MANEA: variants seen among roughly 807,000 people sequenced by gnomAD.
MANEA encodes the protein glycoprotein endo-alpha-1,2-mannosidase.
MANEA carries 25 observed loss-of-function variants against 36.8 expected under a neutral mutation model. That is an observed-to-expected ratio of 0.68 (90% CI 0.50 to 0.95). The LOEUF is 0.95. Among genes scored for constraint, MANEA ranks in the 40% least tolerant of loss-of-function variants. The pLI, the probability that MANEA is intolerant of heterozygous loss-of-function variation, is 0.00. For missense variants in MANEA, 565 were observed against 558.8 expected (o/e 1.01, Z -0.11); for synonymous variants, 198 against 188.5 (o/e 1.05, Z -0.41).
chr6:95,585,244 T>A (rs1340909076), intron 1 of MANEA, among the ~76,000 whole-genome samples: 1 of 152,192 alleles, frequency 6.6e-6, no homozygotes, highest in Non-Finnish European at 1.5e-5. Context: ...AAAACACATA[T>A]AATACCCTTT....
chr6:95,591,636 G>A (rs1042251726), intron 2 of MANEA, among the ~76,000 whole-genome samples: 6 of 151,584 alleles, frequency 4.0e-5, no homozygotes, highest in African/African-American at 7.3e-5. Flanking sequence ...CCTTCTTGGT[G>A]TTCTCTGAAT....
At chr6:95,582,769 A>T (rs1365195974) in intron 1 of MANEA, among the ~76,000 whole-genome samples, 1 of 152,226 alleles carries the variant, frequency 6.6e-6, no homozygotes, top group African/African-American at 2.4e-5. Context: ...GTTGCATTGT[A>T]TGTAAGCCAT....
intron 2 of MANEA, among the ~76,000 whole-genome samples, chr6:95,592,420 A>T (rs1769401170): frequency 6.6e-6 from 1 of 151,872 alleles, no homozygotes; most frequent in Non-Finnish European, 1.5e-5. Flanking sequence ...GTTTCTATTG[A>T]TTGCTTTGTT....
intron 2 of MANEA, among the ~76,000 whole-genome samples, chr6:95,594,832 C>T (rs1477665550): frequency 6.6e-6 from 1 of 152,164 alleles, no homozygotes; most frequent in South Asian, 2.1e-4. Context: ...AGTTGGTTTA[C>T]TTGTACCAAT....
intron 1 of MANEA, among the ~76,000 whole-genome samples, chr6:95,584,950 T>C (rs936961958): frequency 3.0e-4 from 45 of 152,232 alleles, no homozygotes; most frequent in African/African-American, 1.1e-3. Flanking sequence ...CTTGTCTTTC[T>C]TTTCTATTGG....
intron 3 of MANEA, among the ~76,000 whole-genome samples, chr6:95,604,094 G>GTGTA (rs1769658684): frequency 6.6e-6 from 1 of 151,178 alleles, no homozygotes; most frequent in East Asian, 1.9e-4. Context: ...GTGTGTGTGT[G>GTGTA]TATGGGATAT....
chr6:95,596,922 T>C, intron 3 of MANEA, 76 bp downstream of exon 3: 1 of 621,980 alleles, frequency 1.6e-6, no homozygotes, highest in African/African-American at 1.9e-5. Context: ...ATTTTTGAAA[T>C]AGTAATTTTA....
intron 2 of MANEA, among the ~76,000 whole-genome samples, chr6:95,594,111 A>G (rs550264415): frequency 2.0e-4 from 31 of 152,180 alleles, no homozygotes; most frequent in African/African-American, 6.7e-4. Flanking sequence ...TGTGCGTGCT[A>G]GGAGAGGGGT....
intron 2 of MANEA, among the ~76,000 whole-genome samples, chr6:95,590,648 G>C (rs912887974): frequency 1.3e-5 from 2 of 152,026 alleles, no homozygotes; most frequent in African/African-American, 4.8e-5. Context: ...AAGTTTAAAG[G>C]TTATATTTAT....
rs777823653 is a variant in MANEA at position 95,605,944 on chromosome 6, T to C, written c.928T>C (p.Tyr310His). The C allele has an allele frequency of 2.5e-6, 4 of 1,613,906 alleles. No individual in the cohort carries two copies. The East Asian group carries it at 8.9e-5, about 36-fold the overall frequency. The change falls in exon 5 of 5, where the codon TAT (tyrosine) becomes CAT (histidine). Residue 310 changes from tyrosine to histidine, a missense_variant. Coordinates refer to ENST00000358812, the MANE Select transcript of MANEA (RefSeq NM_024641.4). ...IALLVEEKHK[Y>H]DILQSGFDGI... Reference sequence around the variant, plus strand: ...CCTTCTGGTAGAAGAAAAACATAAGTATGATATTCTTCAAAGTGGTTTTGA... The same window carrying C: ...CCTTCTGGTAGAAGAAAAACATAAGCATGATATTCTTCAAAGTGGTTTTGA...
intron 2 of MANEA, among the ~76,000 whole-genome samples, chr6:95,596,103 C>T (rs879396808): frequency 2.6e-5 from 4 of 152,104 alleles, no homozygotes; most frequent in Admixed American, 2.6e-4. Context: ...AAGCTACATA[C>T]TTTGTAATTC....
chr6:95,579,820 A>G (rs987145986), intron 1 of MANEA, among the ~76,000 whole-genome samples: 8 of 152,212 alleles, frequency 5.3e-5, no homozygotes, highest in African/African-American at 1.2e-4. Context: ...AACTCAAAAA[A>G]TAGAAGCTAC....
chr6:95,578,986 C>T (rs890788773), intron 1 of MANEA, among the ~76,000 whole-genome samples: 1 of 152,138 alleles, frequency 6.6e-6, no homozygotes, highest in Non-Finnish European at 1.5e-5. Context: ...AGGTGATTAA[C>T]CTTAGATTGG....
chr6:95,580,750 C>T (rs1253038872), intron 1 of MANEA, among the ~76,000 whole-genome samples: 1 of 146,910 alleles, frequency 6.8e-6, no homozygotes, highest in Non-Finnish European at 1.5e-5. Flanking sequence ...AAAGAAATGA[C>T]AATTTAAAAA....
Position 95,596,760 on chromosome 6 carries a change from C to A in MANEA, c.568C>A (p.Pro190Thr), listed in dbSNP as rs377223224. Residue 190 changes from proline (P) to threonine (T), a missense_variant, in exon 3 of 5, where the codon CCA becomes ACA. Physicochemically the swap from Pro to Thr is conservative, Grantham distance 38 (BLOSUM62 -1). Transcript: ENST00000358812. The stretch of plus-strand genomic sequence containing the variant: ...AGGTGTACTAGCCCTCTCTTGGTAC[C>A]CACCTGATGTAAATGATGAAAATGG... ...SIGVLALSWYPPDVNDENGEP... is the reference protein window; with the variant it reads ...SIGVLALSWYTPDVNDENGEP... The A allele has an allele frequency of 6.2e-7, 1 of 1,603,138 alleles. No individual in the cohort carries two copies.
intron 3 of MANEA, among the ~76,000 whole-genome samples, chr6:95,604,427 AC>A (rs1292628746): frequency 6.6e-6 from 1 of 151,968 alleles, no homozygotes; most frequent in African/African-American, 2.4e-5. Context: ...TATGTAAGAA[AC>A]ATTTTTATAA....
At chr6:95,594,027 A>C (rs1268635523) in intron 2 of MANEA, among the ~76,000 whole-genome samples, 1 of 151,642 alleles carries the variant, frequency 6.6e-6, no homozygotes, top group East Asian at 1.9e-4. Flanking sequence ...GTGCCACTGC[A>C]CTCCAGCCTG....
At chr6:95,593,988 G>T (rs1769437815) in intron 2 of MANEA, among the ~76,000 whole-genome samples, 1 of 152,062 alleles carries the variant, frequency 6.6e-6, no homozygotes, top group South Asian at 2.1e-4. Flanking sequence ...CTTGAACCTG[G>T]GAGGCGGAGG....
chr6:95,584,945 C>A (rs922127387), intron 1 of MANEA, among the ~76,000 whole-genome samples: 1 of 152,200 alleles, frequency 6.6e-6, no homozygotes, highest in African/African-American at 2.4e-5. Flanking sequence ...TTTCACTTGT[C>A]TTTCTTTTCT....
Sources: allele counts gnomAD v4.1 joint callset (sites outside exome capture counted in the v4.1 genomes callset), GRCh38; gene constraint gnomAD v4.1.1; transcripts MANE v1.5; gene names NCBI Gene and HGNC (gene_info 2026-07-23, HGNC 2026-07-21).